TMC1: variants seen among roughly 807,000 people sequenced by gnomAD.
The protein encoded by TMC1 is transmembrane channel like 1.
Under a neutral mutation model 105.8 loss-of-function variants are expected in TMC1, and 84 were observed. The observed-to-expected ratio is 0.79, with a 90% CI of 0.67 to 0.95. The LOEUF is 0.95. TMC1 is among the 40% of genes least tolerant of loss of function. TMC1 has a pLI of 0.00. For synonymous variants in TMC1, 315 were observed against 311.5 expected, an observed-to-expected ratio of 1.01 and a Z score of -0.12; for missense variants, 817 against 914.1, an observed-to-expected ratio of 0.89 and a Z score of 1.37.
At chr9:72,723,737 G>C (rs1827071094) in intron 8 of TMC1, among the ~76,000 whole-genome samples, 2 of 152,170 alleles carry the variant, frequency 1.3e-5, no homozygotes, top group African/African-American at 4.8e-5. Flanking sequence ...AGGGAAGTCA[G>C]CTGTAAAACA....
intron 2 of TMC1, among the ~76,000 whole-genome samples, chr9:72,610,572 T>C (rs1413647499): frequency 6.6e-6 from 1 of 152,232 alleles, no homozygotes; most frequent in African/African-American, 2.4e-5. Context: ...TTACTCAGCC[T>C]TTTGTTCTAT....
At chr9:72,579,110 A>C (rs1244098677) in intron 2 of TMC1, among the ~76,000 whole-genome samples, 2 of 152,216 alleles carry the variant, frequency 1.3e-5, no homozygotes, top group African/African-American at 4.8e-5. Context: ...GAATCTTTCT[A>C]TACAGTGAGG....
rs371965659 is a variant in TMC1 at position 72,760,290 on chromosome 9, T to A, written c.741+5406T>A. On this transcript the variant is annotated intron_variant, in intron 12 of 23. Coordinates refer to ENST00000297784, the MANE Select transcript of TMC1 (RefSeq NM_138691.3). ...ACAATGACTTCATAGAGGTGCTCAC[T>A]CTGTATTGTCAGATGATCTAAGTAT... Among the ~76,000 whole-genome samples the A allele has an allele frequency of 2.6e-5, 4 of 152,142 alleles. No homozygotes were observed. In the East Asian group the frequency reaches 7.7e-4, roughly 29 times the overall value.
intron 13 of TMC1, among the ~76,000 whole-genome samples, chr9:72,786,478 CAAA>C (rs1157400427): frequency 6.6e-6 from 1 of 151,826 alleles, no homozygotes; most frequent in African/African-American, 2.4e-5. Flanking sequence ...ACAAAACAAA[CAAA>C]AAGAAACACC....
At chr9:72,531,719 A>C (rs530635289) in intron 1 of TMC1, among the ~76,000 whole-genome samples, 1 of 152,270 alleles carries the variant, frequency 6.6e-6, no homozygotes, top group African/African-American at 2.4e-5. Context: ...GTCCAAAGTG[A>C]AGAATAATTT....
At chr9:72,784,942 G>A (rs72733076) in intron 13 of TMC1, among the ~76,000 whole-genome samples, 2,558 of 152,184 alleles carry the variant, frequency 0.017, 39 homozygotes, top group Non-Finnish European at 0.025. Context: ...CCTATGTGAG[G>A]GTGGAGAGTG....
In TMC1 at chr9:72,688,756, A is replaced by G. The variant is rs144387828; in HGVS notation, c.64A>G (p.Ser22Gly). ...AGAAGACGAGACTGAGGAAAGCTCA[A>G]GTAAGTGGTGATGGGCCACTTGGGA... is the stretch of plus-strand genomic sequence containing the variant. ...EKEDETEESS[S>G]EEEEEVEDKL... The change falls in exon 6 of 24, where the codon AGT becomes GGT. Residue 22 changes from serine to glycine, a missense_variant and splice_region_variant. Coordinates refer to ENST00000297784, the MANE Select transcript of TMC1 (RefSeq NM_138691.3). The G allele has an allele frequency of 1.2e-6, 2 of 1,611,394 alleles. No homozygotes were observed. Among genetic ancestry groups the G allele is most frequent in the African/African-American group, 1.3e-5 (1 of 74,812 alleles).
At chr9:72,586,980 A>G (rs1208965736) in intron 2 of TMC1, among the ~76,000 whole-genome samples, 1 of 152,118 alleles carries the variant, frequency 6.6e-6, no homozygotes, top group African/African-American at 2.4e-5. Flanking sequence ...AACAAGGGAC[A>G]TTTGGCAAAG....
chr9:72,682,153 G>GT (rs1473988235), intron 5 of TMC1, among the ~76,000 whole-genome samples: 1 of 152,124 alleles, frequency 6.6e-6, no homozygotes, highest in Non-Finnish European at 1.5e-5. Flanking sequence ...ATATTATAAT[G>GT]TTTGAAAATA....
At chr9:72,662,169 G>T (rs1489418970) in intron 5 of TMC1, among the ~76,000 whole-genome samples, 2 of 150,396 alleles carry the variant, frequency 1.3e-5, no homozygotes, top group African/African-American at 4.9e-5. Context: ...CATCTCCTTT[G>T]ACACATTTTC....
chr9:72,826,677 A>G (rs576125159), intron 20 of TMC1, among the ~76,000 whole-genome samples, 192 bp from the exon 21 acceptor site: 2 of 152,294 alleles, frequency 1.3e-5, no homozygotes, highest in African/African-American at 2.4e-5. Flanking sequence ...TACTGGGATC[A>G]TATTTCTCGT....
At chr9:72,545,667 T>C (rs2132067724) in intron 1 of TMC1, among the ~76,000 whole-genome samples, 1 of 152,124 alleles carries the variant, frequency 6.6e-6, no homozygotes, top group South Asian at 2.1e-4. Context: ...TTTGAATTTT[T>C]AGTAGAGATA....
At position 72,564,366 on chromosome 9, in the gene TMC1, A is replaced by G. The variant is rs570813523; in HGVS notation, c.-427-13536A>G. ...TGTGTTCTTTTGCCTTATTCATCTA[A>G]TATTACTTGAAACTTTTATTTTTCC... On this transcript the variant is annotated intron_variant, in intron 1 of 23. Coordinates refer to ENST00000297784, the MANE Select transcript of TMC1 (RefSeq NM_138691.3). Among the ~76,000 whole-genome samples, 42 of 152,318 alleles carry G rather than the reference A, an allele frequency of 2.8e-4. 1 individual carries two copies. The South Asian group carries it at 7.3e-3, about 26-fold the overall frequency.
In TMC1 at chr9:72,646,916, T is replaced by G. The variant is rs544362388; in HGVS notation, c.-52-1681T>G. Reference sequence around the variant, plus strand: ...TCCCACTCTGGGAGGCTGAGGTGGGTGGATTACCTGAGGTCAGGAGTTCGA... The same window carrying G: ...TCCCACTCTGGGAGGCTGAGGTGGGGGGATTACCTGAGGTCAGGAGTTCGA... On this transcript the variant is annotated intron_variant, in intron 4 of 23. Coordinates refer to ENST00000297784, the MANE Select transcript of TMC1 (RefSeq NM_138691.3). 2.9e-3 allele frequency among the ~76,000 whole-genome samples: 441 copies of G among 152,050 alleles called. 1 individual carries two copies. The highest frequency in any genetic ancestry group is 4.3e-3 in the Non-Finnish European group (292 of 67,954).
intron 2 of TMC1, among the ~76,000 whole-genome samples, chr9:72,590,377 T>C (rs1410897563): frequency 6.6e-6 from 1 of 152,218 alleles, no homozygotes; most frequent in Admixed American, 6.5e-5. Flanking sequence ...AGCTCAATCC[T>C]GGGCTATTGT....
intron 2 of TMC1, among the ~76,000 whole-genome samples, chr9:72,605,085 G>A (rs991801271): frequency 6.6e-6 from 1 of 152,020 alleles, no homozygotes; most frequent in African/African-American, 2.4e-5. Context: ...GTAGTTTCTG[G>A]GAAATTCAGA....
At chr9:72,835,151 A>G (rs2118346163) in intron 23 of TMC1, among the ~76,000 whole-genome samples, 1 of 151,576 alleles carries the variant, frequency 6.6e-6, no homozygotes, top group East Asian at 1.9e-4. Context: ...TTCCTCCCCA[A>G]CCCCCTCAAA....
intron 6 of TMC1, among the ~76,000 whole-genome samples, chr9:72,690,536 G>A (rs921321177): frequency 6.6e-6 from 1 of 151,986 alleles, no homozygotes. Context: ...ATTAACTTAG[G>A]TTTTGTTTGT....
At chr9:72,557,736 C>T (rs888158182) in intron 1 of TMC1, among the ~76,000 whole-genome samples, 1 of 152,128 alleles carries the variant, frequency 6.6e-6, no homozygotes, top group African/African-American at 2.4e-5. Flanking sequence ...TGCAGGAGAT[C>T]TTAGCAAACA....
Sources: allele counts gnomAD v4.1 joint callset (sites outside exome capture counted in the v4.1 genomes callset), GRCh38; gene constraint gnomAD v4.1.1; transcripts MANE v1.5; gene names NCBI Gene and HGNC (gene_info 2026-07-23, HGNC 2026-07-21).